Variants in IL13RA2 observed in about 807,000 individuals in gnomAD.
The protein encoded by IL13RA2 is interleukin 13 receptor subunit alpha 2, also known as interleukin-13 receptor subunit alpha-2.
In IL13RA2, 25 loss-of-function variants were observed where a neutral mutation model predicts 34.1. That is an observed-to-expected ratio of 0.73 (90% CI 0.53 to 1.03). The LOEUF (loss-of-function observed/expected upper bound fraction) is 1.03, where lower values mean the gene tolerates loss of function less well. IL13RA2 is among the 50% of genes least tolerant of loss of function. IL13RA2 has a pLI of 0.00. For missense variants in IL13RA2, 297 were observed against 280.9 expected (o/e 1.06, Z -0.41); for synonymous variants, 106 against 100.4 (o/e 1.06, Z -0.33).
chrX:115,014,614 C>A, intron 3 of IL13RA2, 40 bp from the exon 4 acceptor site: 1 of 1,045,430 alleles, frequency 9.6e-7, no homozygotes, highest in East Asian at 3.1e-5. Context: ...AGCTTAGAAA[C>A]CTCCATGGTA....
chrX:115,012,580 C>T (rs1366000496), intron 5 of IL13RA2, among the ~76,000 whole-genome samples: 4 of 111,387 alleles, frequency 3.6e-5, no homozygotes, highest in Non-Finnish European at 7.5e-5. Context: ...GCATGGGCAA[C>T]ATTGTGAAAC....
intron 9 of IL13RA2, 90 bp from the exon 10 acceptor site, chrX:115,004,196 A>C (rs1312309643): frequency 9.8e-6 from 5 of 509,707 alleles, no homozygotes. Context: ...GCACAAGAGC[A>C]TTCAGCAAAC....
In IL13RA2 at chrX:115,008,022, G is replaced by T. The variant is rs1556508038; in HGVS notation, c.907C>A (p.Gln303Lys). ...YTLKTTNETR[Q>K]LCFVVRSKVN... ...TTGCTTCTTACTACAAAGCATAATT[G>T]TCGGGTTTCATTTGTTGTTTTCAAG... Residue 303 changes from glutamine (Q) to lysine (K), a missense_variant, in exon 8 of 10, where the codon CAA (glutamine) becomes AAA (lysine). Gln to Lys is a moderately conservative substitution (Grantham distance 53). Coordinates refer to ENST00000243213, the MANE Select transcript of IL13RA2 (RefSeq NM_000640.3). 1 of 1,140,102 alleles carries T rather than the reference G, an allele frequency of 8.8e-7. No homozygotes were observed. Among genetic ancestry groups the T allele is most frequent in the Non-Finnish European group, 1.2e-6 (1 of 832,230 alleles). The allele number at this position is 1,140,102 out of a possible 1,213,427, so 94.0% of individuals were successfully genotyped here.
chrX:115,012,537 G>A (rs1461659958), intron 5 of IL13RA2, among the ~76,000 whole-genome samples: 4 of 111,937 alleles, frequency 3.6e-5, no homozygotes, highest in Non-Finnish European at 7.5e-5. Flanking sequence ...GGCTGAGGTG[G>A]GCAGATCACT....
chrX:115,010,914 C>A, intron 5 of IL13RA2, 86 bp from the exon 6 acceptor site: 1 of 421,875 alleles, frequency 2.4e-6, no homozygotes, highest in East Asian at 4.1e-5. Context: ...TATTAGGATA[C>A]CATGTCAGTT....
At chrX:115,007,769 T>C (rs1556507968) in intron 8 of IL13RA2, among the ~76,000 whole-genome samples, 163 bp downstream of exon 8, 1 of 112,219 alleles carries the variant, frequency 8.9e-6, no homozygotes, top group Admixed American at 9.4e-5. Context: ...ATATTAGACT[T>C]TTAATAAATC....
Position 115,013,799 on chromosome X carries a change from A to C in IL13RA2, c.491T>G (p.Leu164Arg). The C allele has an allele frequency of 9.5e-7, 1 of 1,050,802 alleles. No homozygotes were observed. The highest frequency in any genetic ancestry group is 1.3e-6 in the Non-Finnish European group (1 of 751,259). The allele number at this position is 1,050,802 out of a possible 1,213,427, so 86.6% of individuals were successfully genotyped here. ...AAACAAGTTGTAATTGGTATCAAGA[A>C]GTACACCTATGCCAGGTTTCCAAGA... Reference protein sequence around the residue: ...LCSWKPGIGVLLDTNYNLFYW... With the variant: ...LCSWKPGIGVRLDTNYNLFYW... Residue 164 changes from leucine (L) to arginine (R), a missense_variant, in exon 5 of 10, where the codon CTT becomes CGT. Coordinates refer to ENST00000243213, the MANE Select transcript of IL13RA2 (RefSeq NM_000640.3).
chrX:115,005,941 C>A (rs2071683565), intron 8 of IL13RA2, among the ~76,000 whole-genome samples: 1 of 112,007 alleles, frequency 8.9e-6, no homozygotes, highest in African/African-American at 3.2e-5. Flanking sequence ...ACTTAAAAAG[C>A]AGACGAAGTT....
rs1380484945 is a variant in IL13RA2, at chrX:115,005,102, CAAAATTATA to C, written c.1116+86_1116+94del. 9.4e-6 allele frequency: 5 copies of C among 531,479 alleles called. No individual in the cohort carries two copies. In the East Asian group the frequency reaches 1.4e-4, roughly 14 times the overall value. The allele number at this position is 531,479 out of a possible 1,213,427, so 43.8% of individuals were successfully genotyped here. A position where few individuals can be genotyped will look rare whatever the true frequency, so the allele number is the denominator to read the frequency against. On this transcript the variant is annotated intron_variant, in intron 9 of 9. Coordinates refer to ENST00000243213, the MANE Select transcript of IL13RA2 (RefSeq NM_000640.3). ...CAATTGTACACCCACAGCGAACAAG[CAAAATTATA>C]AAATGTATCTCCATCAGTTCTAAGT...
rs868926440 is a variant in IL13RA2, at chrX:115,008,058, C to T, written c.871G>A (p.Glu291Lys). 1.7e-6 allele frequency: 2 copies of T among 1,165,812 alleles called. No individual in the cohort carries two copies. Among genetic ancestry groups the T allele is most frequent in the Non-Finnish European group, 2.3e-6 (2 of 856,353 alleles). The change falls in exon 8 of 10, where the codon GAA (glutamate) becomes AAA (lysine). Residue 291 changes from glutamate (E) to lysine (K), a missense_variant. By Grantham distance (56) the Glu-to-Lys change is moderately conservative. Transcript: ENST00000243213. ...TTTGTTGTTTTCAAGGTGTATGTTT[C>T]ATTTTCAACTGTAGCAGTCTGAAAG... ...TTLVTATVEN[E>K]TYTLKTTNET...
At position 115,005,463 on chromosome X, in the gene IL13RA2, G is replaced by A. The variant is rs17095005; in HGVS notation, c.998-148C>T. ...GTGCATAAATACCACAATTGTGTTT[G>A]AGTATAGCGTTCCTTTCATTTGTGC... On this transcript the variant is annotated intron_variant, in intron 8 of 9. Transcript: ENST00000243213. The A allele has an allele frequency of 0.019, 8,666 of 464,845 alleles. 531 individuals carry two copies. The African/African-American group carries it at 0.19, about 10-fold the overall frequency. 38.3% of individuals were successfully genotyped at this position (464,845 alleles called of 1,213,427 possible).
rs782067689 is a variant in IL13RA2, at chrX:115,014,562, T to A, written c.259A>T (p.Lys87Ter). 3.4e-6 allele frequency: 4 copies of A among 1,178,726 alleles called. No homozygotes were observed. Among genetic ancestry groups the A allele is most frequent in the Non-Finnish European group, 4.6e-6 (4 of 871,287 alleles). ...GSETWKTIIT[K>*]NLHYKDGFDL... ...AACCCATCTTTGTAATGTAGATTCT[T>A]AGTAATGATGGTCTGTTTGACAAAA... is the stretch of plus-strand genomic sequence containing the variant. The change falls in exon 4 of 10, where the codon AAG (lysine) becomes TAG (stop). Residue 87 changes from lysine (K) to a stop codon, truncating the protein, a stop_gained. Transcript: ENST00000243213. LOFTEE classifies it high-confidence loss of function.
At chrX:115,017,128 A>C (rs782017565) in intron 2 of IL13RA2, 48 bp downstream of exon 2, 1 of 619,330 alleles carries the variant, frequency 1.6e-6, no homozygotes, top group Non-Finnish European at 2.7e-6. Context: ...AAATCCATTT[A>C]ATTTTACTTT....
intron 5 of IL13RA2, 140 bp from the exon 6 acceptor site, chrX:115,010,968 A>G (rs1027683512): frequency 1.5e-5 from 5 of 327,744 alleles, no homozygotes; most frequent in South Asian, 1.5e-4. Context: ...AGCACCTACT[A>G]TATGTCAGGC....
chrX:115,010,065 A>G (rs1290363007), intron 6 of IL13RA2, among the ~76,000 whole-genome samples: 1 of 111,807 alleles, frequency 8.9e-6, no homozygotes, highest in Non-Finnish European at 1.9e-5. Flanking sequence ...AGGATGTTAC[A>G]TAATAATCTC....
chrX:115,006,519 C>A (rs1376643203), intron 8 of IL13RA2, among the ~76,000 whole-genome samples: 2 of 110,860 alleles, frequency 1.8e-5, no homozygotes, highest in Non-Finnish European at 3.8e-5. Context: ...TCTGTCTCTA[C>A]TAAAAATACA....
At position 115,004,088 on chromosome X, in the gene IL13RA2, C is replaced by A; in HGVS notation, c.1135G>T (p.Asp379Tyr). The A allele has an allele frequency of 9.4e-7, 1 of 1,064,082 alleles. No individual in the cohort carries two copies. Among genetic ancestry groups the A allele is most frequent in the Non-Finnish European group, 1.3e-6 (1 of 765,098 alleles). The allele number at this position is 1,064,082 out of a possible 1,213,427, so 87.7% of individuals were successfully genotyped here. ...CTTGATATGGAAAGTCTTCATGTAT[C>A]ACAGAAAAATTCTGGAATCTAGAAA... Reference protein sequence around the residue: ...YPKMIPEFFCDT With the variant: ...YPKMIPEFFCYT Residue 379 changes from aspartate (D) to tyrosine (Y), a missense_variant, in exon 10 of 10, where the codon GAT becomes TAT. Asp to Tyr is a radical substitution (Grantham distance 160). Transcript: ENST00000243213.
intron 5 of IL13RA2, among the ~76,000 whole-genome samples, chrX:115,013,364 C>T (rs5946041): frequency 0.094 from 10,367 of 110,567 alleles, 1,215 homozygotes; most frequent in African/African-American, 0.33. Flanking sequence ...AGAAGATACA[C>T]GAGTCACAAT....
chrX:115,006,484 A>G (rs2071685566), intron 8 of IL13RA2, among the ~76,000 whole-genome samples: 2 of 111,167 alleles, frequency 1.8e-5, no homozygotes, highest in African/African-American at 6.6e-5. Flanking sequence ...GGAGTTCAAG[A>G]CCAGCCTAGC....
Sources: gnomAD v4.1 joint callset for allele counts (sites outside exome capture counted in the v4.1 genomes callset) on GRCh38, gnomAD v4.1.1 for gene constraint, MANE v1.5 for transcripts, NCBI Gene and HGNC (gene_info 2026-07-23, HGNC 2026-07-21) for gene names.